The following PECAM1 variants were observed in gnomAD, a reference collection of about 807,000 sequenced individuals.
The protein encoded by PECAM1 is platelet and endothelial cell adhesion molecule 1, also known as platelet endothelial cell adhesion molecule.
A neutral mutation model predicts 13.8 loss-of-function variants in PECAM1; 8 were observed. The observed-to-expected ratio is 0.58, with a 90% CI of 0.34 to 1.05. PECAM1 has a LOEUF of 1.05. PECAM1 is among the 50% of genes least tolerant of loss of function. The probability of loss-of-function intolerance (pLI) is 0.03; values close to 1 mark genes in which losing one functional copy is unlikely to be tolerated. For missense variants in PECAM1, 304 were observed against 141.2 expected (o/e 2.15, Z -5.84); for synonymous variants, 136 against 52.6 (o/e 2.58, Z -6.86).
intron 2 of PECAM1, among the ~76,000 whole-genome samples, chr17:64,385,108 T>A (rs2143908955): frequency 6.6e-6 from 1 of 152,280 alleles, no homozygotes; most frequent in East Asian, 1.9e-4. Flanking sequence ...GCCCACAGAT[T>A]TCCTTACTGA....
At chr17:64,359,347 C>T (rs1027649246) in intron 7 of PECAM1, among the ~76,000 whole-genome samples, 2 of 152,140 alleles carry the variant, frequency 1.3e-5, no homozygotes, top group Non-Finnish European at 2.9e-5. Flanking sequence ...AAACTGTCCA[C>T]CCCCAAGACA....
Position 64,335,699 on chromosome 17 carries a change from A to G in PECAM1, c.2164+5935T>C, listed in dbSNP as rs1022747340. On this transcript the variant is annotated intron_variant, in intron 14 of 15. Coordinates refer to ENST00000563924, the MANE Select transcript of PECAM1 (RefSeq NM_000442.5). ...TCTGCAGAGCAAGAATAATAATAGAACCCCCATCAACTGTTAGATGATCTT... is the reference window on the plus strand; with the variant it reads ...TCTGCAGAGCAAGAATAATAATAGAGCCCCCATCAACTGTTAGATGATCTT... 9.9e-5 allele frequency among the ~76,000 whole-genome samples: 15 copies of G among 151,894 alleles called. No homozygotes were observed. In the East Asian group the frequency reaches 2.9e-3, roughly 29 times the overall value.
At chr17:64,346,160 G>C (rs118198016) in intron 13 of PECAM1, among the ~76,000 whole-genome samples, 6 of 152,278 alleles carry the variant, frequency 3.9e-5, no homozygotes, top group African/African-American at 1.4e-4. Context: ...CAGAGGAAGG[G>C]AGACAGATGG....
chr17:64,368,334 A>G (rs2036158591), intron 5 of PECAM1, among the ~76,000 whole-genome samples: 1 of 152,192 alleles, frequency 6.6e-6, no homozygotes, highest in African/African-American at 2.4e-5. Flanking sequence ...TAAGTACTTT[A>G]GAGGGAAATA....
intron 14 of PECAM1, among the ~76,000 whole-genome samples, chr17:64,337,563 A>G (rs1043923741): frequency 6.6e-6 from 1 of 152,192 alleles, no homozygotes; most frequent in Non-Finnish European, 1.5e-5. Flanking sequence ...TCTTGGTCAC[A>G]GTAACTCAGC....
chr17:64,352,659 CTTT>C (rs1194634725), intron 10 of PECAM1, among the ~76,000 whole-genome samples, 196 bp from the exon 11 acceptor site: 1 of 146,348 alleles, frequency 6.8e-6, no homozygotes, highest in Non-Finnish European at 1.5e-5. Flanking sequence ...TGTAAAAAAA[CTTT>C]TTTTTTTTTT....
At chr17:64,334,221 C>A (rs1484353498) in intron 14 of PECAM1, among the ~76,000 whole-genome samples, 8 of 151,928 alleles carry the variant, frequency 5.3e-5, no homozygotes. Context: ...AAACTCAAGT[C>A]CCCCGGGCCA....
chr17:64,328,909 C>G (rs1264832864), intron 15 of PECAM1, among the ~76,000 whole-genome samples: 1 of 152,214 alleles, frequency 6.6e-6, no homozygotes, highest in Non-Finnish European at 1.5e-5. Flanking sequence ...CATAAACCCT[C>G]CCATCTGCCA....
intron 13 of PECAM1, among the ~76,000 whole-genome samples, chr17:64,344,544 G>A (rs1340979949): frequency 6.6e-6 from 1 of 151,630 alleles, no homozygotes; most frequent in African/African-American, 2.4e-5. Flanking sequence ...TGACCACTTG[G>A]TCGGCTGCCA....
chr17:64,336,393 T>C lies in PECAM1; in HGVS notation c.2164+5241A>G, dbSNP rs1057305692. On this transcript the variant is annotated intron_variant, in intron 14 of 15. Coordinates refer to ENST00000563924, the MANE Select transcript of PECAM1 (RefSeq NM_000442.5). ...AGAGAAGCCTAAGCGGGTGGGTTAC[T>C]GCTGGCTGAAGGATCTGGCTCTTTG... is the stretch of plus-strand genomic sequence containing the variant. Among the ~76,000 whole-genome samples, 356 of 152,256 alleles carry C rather than the reference T, an allele frequency of 2.3e-3. 1 individual carries two copies. The highest frequency in any genetic ancestry group is 8.4e-3 in the African/African-American group (347 of 41,544).
chr17:64,321,325 G>T lies in PECAM1; in HGVS notation c.*2491C>A. ...TTCAGGTTTAGACACCGGGGTTACG[G>T]CAGCTGCCGAGGAAGGCTAAAGCCA... On this transcript the variant is annotated 3_prime_UTR_variant, in exon 16 of 16. Transcript: ENST00000563924. The T allele has an allele frequency of 1.6e-6, 1 of 611,994 alleles. No individual in the cohort carries two copies. Among genetic ancestry groups the T allele is most frequent in the Non-Finnish European group, 2.0e-6 (1 of 488,948 alleles). The allele number at this position is 611,994 out of a possible 1,614,324, so 37.9% of individuals were successfully genotyped here.
chr17:64,353,329 A>ACACACACACACAACT (rs1241190478), intron 10 of PECAM1, among the ~76,000 whole-genome samples, 162 bp downstream of exon 10: 15 of 151,456 alleles, frequency 9.9e-5, no homozygotes, highest in African/African-American at 3.6e-4. Flanking sequence ...ACACACACAC[A>ACACACACACACAACT]CACACACACA....
chr17:64,347,591 TA>T (rs1167419984), intron 13 of PECAM1, among the ~76,000 whole-genome samples: 28 of 137,766 alleles, frequency 2.0e-4, no homozygotes, highest in Admixed American at 8.7e-4. Context: ...AATATAAATA[TA>T]AAAATATTAT....
In PECAM1 at chr17:64,321,604, AT is replaced by A. The variant is rs1555644420; in HGVS notation, c.*2211del. On this transcript the variant is annotated 3_prime_UTR_variant, in exon 16 of 16. Transcript: ENST00000563924. ...GAAACCTCATCTCTGCAAAAAAAAA[AT>A]TAAAAATTAGCCAGCTATGGCGGCT... is the stretch of plus-strand genomic sequence containing the variant. 7 of 436,360 alleles carry A rather than the reference AT, an allele frequency of 1.6e-5. No individual in the cohort carries two copies. Among genetic ancestry groups the A allele is most frequent in the African/African-American group, 2.1e-5 (1 of 46,878 alleles). The allele number at this position is 436,360 out of a possible 1,614,324, so 27.0% of individuals were successfully genotyped here. A position where few individuals can be genotyped will look rare whatever the true frequency, so the allele number is the denominator to read the frequency against.
At chr17:64,388,960 G>A (rs1344888629) in intron 2 of PECAM1, among the ~76,000 whole-genome samples, 12 of 152,278 alleles carry the variant, frequency 7.9e-5, no homozygotes, top group Middle Eastern at 3.4e-3. Flanking sequence ...GAGCCAACGC[G>A]GCTGGTAAAA....
intron 14 of PECAM1, among the ~76,000 whole-genome samples, chr17:64,332,536 T>C (rs1555646978): frequency 6.6e-6 from 1 of 152,204 alleles, no homozygotes; most frequent in Non-Finnish European, 1.5e-5. Context: ...GCATCCATTT[T>C]TTCATGGGGA....
chr17:64,352,282 TCTCTTC>T (rs2035742472), intron 11 of PECAM1, 102 bp downstream of exon 11: 3 of 417,818 alleles, frequency 7.2e-6, no homozygotes, highest in Non-Finnish European at 1.3e-5. Context: ...AGCCAGGGTT[TCTCTTC>T]CAACTGTAAT....
At chr17:64,362,508 C>T (rs933105674) in intron 6 of PECAM1, among the ~76,000 whole-genome samples, 4 of 151,938 alleles carry the variant, frequency 2.6e-5, no homozygotes, top group South Asian at 4.1e-4. Flanking sequence ...AAATATTATC[C>T]GGGCGTGGTT....
chr17:64,356,387 C>T lies in PECAM1; in HGVS notation c.1504G>A (p.Glu502Lys). 1 of 468,000 alleles carries T rather than the reference C, an allele frequency of 2.1e-6. No homozygotes were observed. Among genetic ancestry groups the T allele is most frequent in the East Asian group, 3.2e-5 (1 of 31,702 alleles). The allele number at this position is 468,000 out of a possible 1,614,324, so 29.0% of individuals were successfully genotyped here. ...CTTGACAGGATAGAAATCTGGACCT[C>T]ATCCACCGGGGCTGAAAAGCAGGAA... ...LRVKVIAPVD[E>K]VQISILSSKV... Residue 502 changes from glutamate to lysine, a missense_variant, in exon 8 of 16, where the codon GAG becomes AAG. Physicochemically the swap from Glu to Lys is moderately conservative, Grantham distance 56. Coordinates refer to ENST00000563924, the MANE Select transcript of PECAM1 (RefSeq NM_000442.5).
Sources: gnomAD v4.1 joint callset for allele counts (sites outside exome capture counted in the v4.1 genomes callset) on GRCh38, gnomAD v4.1.1 for gene constraint, MANE v1.5 for transcripts, NCBI Gene and HGNC (gene_info 2026-07-23, HGNC 2026-07-21) for gene names.